Variants in HMCN1 observed in about 807,000 individuals in gnomAD.
HMCN1 encodes hemicentin 1.
In HMCN1, 321 loss-of-function variants were observed where a neutral mutation model predicts 625.9. The ratio of observed to expected loss-of-function variants is 0.51; its 90% confidence interval spans 0.47 to 0.56. HMCN1 has a LOEUF of 0.56. HMCN1 is among the 20% of genes least tolerant of loss of function. The pLI is 0.00. For synonymous variants in HMCN1, 2,425 were observed against 2,417.6 expected (o/e 1.00, Z -0.09); for missense variants, 6,588 against 6,887.3 (o/e 0.96, Z 1.54).
At chr1:185,756,235 C>T (rs571037826) in intron 1 of HMCN1, among the ~76,000 whole-genome samples, 60 of 152,204 alleles carry the variant, frequency 3.9e-4, no homozygotes, top group Admixed American at 1.6e-3. Flanking sequence ...GTAGCCAGTT[C>T]GGTTTCTTAC....
intron 4 of HMCN1, among the ~76,000 whole-genome samples, chr1:185,890,002 T>C (rs199816834): frequency 0.2 from 30,186 of 150,446 alleles, 3,379 homozygotes; most frequent in Non-Finnish European, 0.25. Flanking sequence ...GTTATTGGTC[T>C]ATTCAGAGAT....
chr1:186,182,743 T>A (rs1653011468), intron 105 of HMCN1, among the ~76,000 whole-genome samples: 1 of 152,216 alleles, frequency 6.6e-6, no homozygotes, highest in Non-Finnish European at 1.5e-5. Context: ...ATTCGTTGAG[T>A]CTACATTGAT....
intron 16 of HMCN1, among the ~76,000 whole-genome samples, chr1:185,980,084 A>T (rs1406419580): frequency 6.6e-6 from 1 of 152,174 alleles, no homozygotes; most frequent in Non-Finnish European, 1.5e-5. Context: ...ATCTTGAAAA[A>T]TTCTATATAT....
intron 86 of HMCN1, among the ~76,000 whole-genome samples, chr1:186,135,301 A>G (rs1649528952): frequency 6.6e-6 from 1 of 152,174 alleles, no homozygotes; most frequent in Middle Eastern, 3.4e-3. Context: ...TACCATTTTT[A>G]TCCTGATTTT....
intron 64 of HMCN1, 60 bp from the exon 65 acceptor site, chr1:186,093,074 T>A: frequency 1.9e-6 from 3 of 1,607,202 alleles, no homozygotes; most frequent in Non-Finnish European, 2.6e-6. Flanking sequence ...TAGGCTTTCA[T>A]GTACTTAGTG....
intron 46 of HMCN1, among the ~76,000 whole-genome samples, chr1:186,061,567 A>G (rs1657701813): frequency 6.6e-6 from 1 of 152,204 alleles, no homozygotes. Flanking sequence ...TTATCTTTTA[A>G]GATCATATTC....
intron 93 of HMCN1, 37 bp from the exon 94 acceptor site, chr1:186,151,163 C>T: frequency 2.5e-6 from 4 of 1,610,062 alleles, no homozygotes; most frequent in Middle Eastern, 1.7e-4. Context: ...GATGAAATTG[C>T]ATCCTTATCC....
chr1:186,108,905 A>G (rs1221326065), intron 71 of HMCN1, among the ~76,000 whole-genome samples: 1 of 152,192 alleles, frequency 6.6e-6, no homozygotes, highest in Non-Finnish European at 1.5e-5. Flanking sequence ...ATACTCAGCT[A>G]TTTCTTAAAA....
At chr1:186,014,222 A>C (rs1438444939) in intron 30 of HMCN1, among the ~76,000 whole-genome samples, 1 of 151,972 alleles carries the variant, frequency 6.6e-6, no homozygotes, top group Non-Finnish European at 1.5e-5. Flanking sequence ...ACCATGAGAA[A>C]AACATTCTAT....
intron 15 of HMCN1, among the ~76,000 whole-genome samples, chr1:185,975,231 C>T (rs1337426449): frequency 6.6e-6 from 1 of 152,062 alleles, no homozygotes; most frequent in African/African-American, 2.4e-5. Context: ...TGTATTCGTC[C>T]GTTCTCACAT....
Position 186,041,012 on chromosome 1 carries a change from G to A in HMCN1, c.6181-1G>A. 6.2e-7 allele frequency: 1 copy of A among 1,612,714 alleles called. No homozygotes were observed. On this transcript the variant is annotated splice_acceptor_variant, in intron 39 of 106. Coordinates refer to ENST00000271588, the MANE Select transcript of HMCN1 (RefSeq NM_031935.3). LOFTEE classifies it high-confidence loss of function. ...TTATTTAGCGTTCTTACCATTGATA[G>A]GTTCTCTCTGGTGGTCGAATCCTAG...
At chr1:185,898,200 G>A (rs1243888397) in intron 4 of HMCN1, among the ~76,000 whole-genome samples, 1 of 152,150 alleles carries the variant, frequency 6.6e-6, no homozygotes. Context: ...GATGCTAAAA[G>A]TTAATTAGGT....
At chr1:186,067,639 T>C (rs1043166357) in intron 49 of HMCN1, among the ~76,000 whole-genome samples, 195 bp from the exon 50 acceptor site, 19 of 152,148 alleles carry the variant, frequency 1.2e-4, no homozygotes, top group African/African-American at 9.7e-5. Flanking sequence ...TTCCTTTTTA[T>C]GTGTCATCTC....
At chr1:185,834,971 T>C (rs1329893363) in intron 1 of HMCN1, among the ~76,000 whole-genome samples, 3 of 152,180 alleles carry the variant, frequency 2.0e-5, no homozygotes, top group Non-Finnish European at 2.9e-5. Context: ...GATGGGCATT[T>C]TTCTAGATTA....
intron 1 of HMCN1, among the ~76,000 whole-genome samples, chr1:185,811,547 C>T (rs1659515763): frequency 6.6e-6 from 1 of 151,900 alleles, no homozygotes; most frequent in African/African-American, 2.4e-5. Context: ...ATGATCACAC[C>T]ACTGCACCAC....
chr1:185,994,441 A>G (rs759716875), intron 23 of HMCN1, among the ~76,000 whole-genome samples: 13 of 152,188 alleles, frequency 8.5e-5, no homozygotes, highest in Middle Eastern at 3.2e-3. Flanking sequence ...CTTATATTAT[A>G]GAAATTATCT....
chr1:185,803,188 C>CAAAAAAAAAAA (rs1245942461), intron 1 of HMCN1, among the ~76,000 whole-genome samples: 1 of 33,812 alleles, frequency 3.0e-5, no homozygotes, highest in Non-Finnish European at 1.1e-4. Flanking sequence ...TTAGCAGAAC[C>CAAAAAAAAAAA]AAAAAAAAAA....
At chr1:185,950,665 G>A (rs1441851603) in intron 11 of HMCN1, among the ~76,000 whole-genome samples, 5 of 151,838 alleles carry the variant, frequency 3.3e-5, no homozygotes, top group Non-Finnish European at 5.9e-5. Flanking sequence ...GTGAAGCTTT[G>A]CAGCAGTACA....
At chr1:185,895,825 A>G (rs1391686555) in intron 4 of HMCN1, among the ~76,000 whole-genome samples, 1 of 152,224 alleles carries the variant, frequency 6.6e-6, no homozygotes, top group African/African-American at 2.4e-5. Context: ...ACACAGTGTT[A>G]GGATTTGCCC....
Sources: gnomAD v4.1 joint callset for allele counts (sites outside exome capture counted in the v4.1 genomes callset) on GRCh38, gnomAD v4.1.1 for gene constraint, MANE v1.5 for transcripts, NCBI Gene and HGNC (gene_info 2026-07-23, HGNC 2026-07-21) for gene names.